TENM3: variants seen among roughly 807,000 people sequenced by gnomAD.
TENM3 encodes the protein teneurin-3.
TENM3 carries 63 observed loss-of-function variants against 255.1 expected under a neutral mutation model. The ratio of observed to expected loss-of-function variants is 0.25; its 90% CI spans 0.20 to 0.30. The LOEUF is 0.30. TENM3 is among the 10% of genes least tolerant of loss of function. TENM3 has a pLI of 1.00. For synonymous variants in TENM3, 1,306 were observed against 1,322.3 expected (o/e 0.99, Z 0.27); for missense variants, 2,929 against 3,461.1 (o/e 0.85, Z 3.86).
chr4:181,743,822 A>C, the TENM3 span, among the ~76,000 whole-genome samples: 1 of 152,106 alleles, frequency 6.6e-6, no homozygotes, highest in Admixed American at 6.6e-5. Flanking sequence ...GTTTTCTTCA[A>C]CTTTTAAGTT....
chr4:182,621,268 A>G (rs1226032351), intron 4 of TENM3, among the ~76,000 whole-genome samples: 4 of 151,932 alleles, frequency 2.6e-5, no homozygotes, highest in African/African-American at 9.7e-5. Context: ...CTCCTGCCTC[A>G]TTGTTTTAAA....
At chr4:181,725,194 T>C in the TENM3 span, among the ~76,000 whole-genome samples, 1 of 152,212 alleles carries the variant, frequency 6.6e-6, no homozygotes, top group Non-Finnish European at 1.5e-5. Flanking sequence ...TTTTGCTTTT[T>C]AGCCTCCAAA....
chr4:182,412,428 AT>A (rs1358985812), intron 3 of TENM3, among the ~76,000 whole-genome samples: 2 of 152,248 alleles, frequency 1.3e-5, no homozygotes, highest in African/African-American at 4.8e-5. Flanking sequence ...GCAAATTAAA[AT>A]TAAATTTATA....
rs527773942 is a variant in TENM3, at chr4:182,454,707, T to C, written c.511+107778T>C. 4.1e-4 allele frequency among the ~76,000 whole-genome samples: 63 copies of C among 152,346 alleles called. 1 individual carries two copies. Among genetic ancestry groups the C allele is most frequent in the Non-Finnish European group, 2.5e-4 (17 of 68,030 alleles). ...TCATAAGATTTATAGTTTATATTTC[T>C]TAACTTTATGGCCAAGATTTTCCTT... On this transcript the variant is annotated intron_variant, in intron 3 of 27. Transcript: ENST00000511685.
At chr4:181,854,543 A>C in the TENM3 span, among the ~76,000 whole-genome samples, 1 of 152,230 alleles carries the variant, frequency 6.6e-6, no homozygotes, top group African/African-American at 2.4e-5. Flanking sequence ...CTACACTGTT[A>C]AATTGCAAAT....
intron 22 of TENM3, among the ~76,000 whole-genome samples, chr4:182,770,439 C>T (rs79664519): frequency 6.6e-6 from 1 of 152,246 alleles, no homozygotes; most frequent in East Asian, 1.9e-4. Context: ...GGCCCCTGCA[C>T]CCCGACACCT....
chr4:181,836,943 T>G, the TENM3 span, among the ~76,000 whole-genome samples: 3 of 152,134 alleles, frequency 2.0e-5, no homozygotes, highest in Admixed American at 2.0e-4. Context: ...TAATAAAGTT[T>G]TATGATTTTT....
chr4:182,440,231 C>T (rs1392113341), intron 3 of TENM3, among the ~76,000 whole-genome samples: 1 of 151,486 alleles, frequency 6.6e-6, no homozygotes, highest in Admixed American at 6.6e-5. Flanking sequence ...TCTGCCTCAG[C>T]CTCCCAAGTA....
At chr4:182,714,290 C>T in intron 13 of TENM3, 57 bp downstream of exon 13, 1 of 746,960 alleles carries the variant, frequency 1.3e-6, no homozygotes. Flanking sequence ...TCGTAAGTGA[C>T]AGTGAGTACA....
chr4:181,713,544 A>G, the TENM3 span, among the ~76,000 whole-genome samples: 3 of 152,170 alleles, frequency 2.0e-5, no homozygotes, highest in Non-Finnish European at 4.4e-5. Flanking sequence ...TAAGGCCTCC[A>G]TGTGCCTTGA....
Position 182,680,731 on chromosome 4 carries a change from G to A in TENM3, c.1828G>A (p.Glu610Lys). 4 of 1,559,962 alleles carry A rather than the reference G, an allele frequency of 2.6e-6. No homozygotes were observed. In the South Asian group the frequency reaches 4.8e-5, roughly 19 times the overall value. ...CNSGYKGESC[E>K]EADCIDPGCS... ...CTCAGGATACAAAGGAGAAAGTTGT[G>A]AAGAAGGTAAACATGTCAATATTCA... is the stretch of plus-strand genomic sequence containing the variant. Residue 610 changes from glutamate (E) to lysine (K), a missense_variant, in exon 10 of 28, where the codon GAA (glutamate) becomes AAA (lysine). Glu to Lys is a moderately conservative substitution (Grantham distance 56, BLOSUM62 1). This residue lies in a region of TENM3 where 1,608 missense variants were observed against 1,884.4 expected (regional missense o/e 0.85). Transcript: ENST00000511685.
At chr4:181,868,203 AT>A in the TENM3 span, among the ~76,000 whole-genome samples, 1 of 152,072 alleles carries the variant, frequency 6.6e-6, no homozygotes, top group East Asian at 1.9e-4. Flanking sequence ...CAAACAGCGT[AT>A]TCTCCACACG....
the TENM3 span, among the ~76,000 whole-genome samples, chr4:181,839,064 G>A: frequency 6.6e-6 from 1 of 151,028 alleles, no homozygotes; most frequent in Non-Finnish European, 1.5e-5. Flanking sequence ...ATGAAATTTG[G>A]CTATTTCGTT....
At chr4:181,777,180 G>A in the TENM3 span, among the ~76,000 whole-genome samples, 1 of 151,836 alleles carries the variant, frequency 6.6e-6, no homozygotes. Flanking sequence ...TATTAAACAA[G>A]GTGTCATTTC....
intron 10 of TENM3, among the ~76,000 whole-genome samples, chr4:182,681,447 T>C (rs926683608): frequency 1.3e-5 from 2 of 152,216 alleles, no homozygotes; most frequent in African/African-American, 2.4e-5. Context: ...TCAAACAGTG[T>C]GAGGATCCCA....
At chr4:182,032,872 T>C in the TENM3 span, among the ~76,000 whole-genome samples, 7 of 152,192 alleles carry the variant, frequency 4.6e-5, no homozygotes, top group Admixed American at 4.6e-4. Context: ...TGGTTATATT[T>C]CTGTGGGGTC....
chr4:182,616,590 AAAGAT>A (rs1338616619), intron 4 of TENM3, among the ~76,000 whole-genome samples: 5 of 141,600 alleles, frequency 3.5e-5, no homozygotes, highest in Non-Finnish European at 1.6e-5. Context: ...AAAAAAAAAA[AAAGAT>A]AGGTAACTGC....
chr4:182,536,533 C>T (rs574641933), intron 3 of TENM3, among the ~76,000 whole-genome samples: 8 of 152,190 alleles, frequency 5.3e-5, no homozygotes, highest in Admixed American at 2.6e-4. Context: ...TCCTGGCCGC[C>T]GCAAAAAGTA....
intron 5 of TENM3, among the ~76,000 whole-genome samples, chr4:182,649,387 T>C (rs1380968520): frequency 6.6e-6 from 1 of 150,540 alleles, no homozygotes; most frequent in African/African-American, 2.4e-5. Context: ...AGATAGGCAG[T>C]ATTGCTGTCA....
Sources: gnomAD v4.1 joint callset for allele counts (sites outside exome capture counted in the v4.1 genomes callset) on GRCh38, gnomAD v4.1.1 for gene constraint, gnomAD v4.1.1 regional missense constraint, MANE v1.5 for transcripts, NCBI Gene and HGNC (gene_info 2026-07-23, HGNC 2026-07-21) for gene names.